FASTKD5: variants seen among roughly 807,000 people sequenced by gnomAD.
FASTKD5 encodes the protein non-canonical pre-mRNAs endonuclease FASTKD5, mitochondrial.
FASTKD5 carries 30 observed loss-of-function variants against 44.0 expected under a neutral mutation model. That is an observed-to-expected ratio of 0.68 (90% CI 0.51 to 0.93). The LOEUF (loss-of-function observed/expected upper bound fraction) is 0.93, where lower values mean the gene tolerates loss of function less well. Ranked by LOEUF, FASTKD5 falls within the 40% of genes least tolerant of loss-of-function variation. The pLI is 0.00. For missense variants in FASTKD5, 868 were observed against 908.2 expected, an observed-to-expected ratio of 0.96 and a Z score of 0.57; for synonymous variants, 335 against 342.2, an observed-to-expected ratio of 0.98 and a Z score of 0.23.
In FASTKD5 at chr20:3,146,632, G is replaced by T; in HGVS notation, c.*144C>A. On this transcript the variant is annotated 3_prime_UTR_variant, in exon 2 of 2. Coordinates refer to ENST00000380266, the MANE Select transcript of FASTKD5 (RefSeq NM_021826.5). ...TTACAATTCACAGTAACATACACTA[G>T]CTCTAACCTGCCTTGGATACAATTA... The T allele has an allele frequency of 3.3e-6, 3 of 905,800 alleles. No homozygotes were observed. The highest frequency in any genetic ancestry group is 5.1e-6 in the Non-Finnish European group (3 of 585,710). The allele number at this position is 905,800 out of a possible 1,614,324, so 56.1% of individuals were successfully genotyped here.
At chr20:3,155,193 A>G (rs1216638792) in intron 1 of FASTKD5, among the ~76,000 whole-genome samples, 1 of 152,158 alleles carries the variant, frequency 6.6e-6, no homozygotes, top group African/African-American at 2.4e-5. Context: ...CAGGAGTTCT[A>G]GACCAGCCTG....
chr20:3,147,709 C>A lies in FASTKD5; in HGVS notation c.1362G>T (p.Leu454=). Residue 454 remains leucine, a synonymous_variant, in exon 2 of 2, where the codon CTG becomes CTT. Coordinates refer to ENST00000380266, the MANE Select transcript of FASTKD5 (RefSeq NM_021826.5). ...PPNAEEFYSS[L]ISEIHRKMPE... is the part of the protein sequence containing the mutation. ...GCATCTTTCTGTGAATCTCACTTAT[C>A]AGGCTGGAGTAAAATTCTTCTGCAT... 1 of 1,614,244 alleles carries A rather than the reference C, an allele frequency of 6.2e-7. No homozygotes were observed. Among genetic ancestry groups the A allele is most frequent in the Non-Finnish European group, 8.5e-7 (1 of 1,180,046 alleles).
At chr20:3,155,421 C>T (rs749237388) in intron 1 of FASTKD5, among the ~76,000 whole-genome samples, 4 of 151,770 alleles carry the variant, frequency 2.6e-5, no homozygotes, top group African/African-American at 4.8e-5. Flanking sequence ...ATCTCAGCTA[C>T]TCAGAAGGCC....
chr20:3,155,031 C>T (rs557650991), intron 1 of FASTKD5, among the ~76,000 whole-genome samples: 47 of 124,032 alleles, frequency 3.8e-4, no homozygotes, highest in South Asian at 7.6e-4. Context: ...CCAGCCTGGG[C>T]GACAGAGCAA....
At position 3,147,503 on chromosome 20, in the gene FASTKD5, A is replaced by T. The variant is rs766843458; in HGVS notation, c.1568T>A (p.Ile523Asn). 5.0e-6 allele frequency: 8 copies of T among 1,614,112 alleles called. No homozygotes were observed. The Admixed American group carries it at 1.2e-4, about 24-fold the overall frequency. Residue 523 changes from isoleucine to asparagine, a missense_variant, in exon 2 of 2, where the codon ATT becomes AAT. By Grantham distance (149) the Ile-to-Asn change is moderately radical (BLOSUM62 -3). Coordinates refer to ENST00000380266, the MANE Select transcript of FASTKD5 (RefSeq NM_021826.5). ...ELYTLDGTVG[I>N]ECPDYRGNRL... ...ATTGCCTCTGTAATCTGGACACTCAATGCCAACTGTACCATCGAGGGTATA... is the reference window on the plus strand; with the variant it reads ...ATTGCCTCTGTAATCTGGACACTCATTGCCAACTGTACCATCGAGGGTATA...
In FASTKD5 at chr20:3,152,394, C is replaced by T. The variant is rs567436301; in HGVS notation, c.-190-3134G>A. ...TGGGGCACCTGCAATCCCAGCTACT[C>T]GGGAGGCTGAGGCGGGAGAATCACT... is the stretch of plus-strand genomic sequence containing the variant. On this transcript the variant is annotated intron_variant, in intron 1 of 1. Coordinates refer to ENST00000380266, the MANE Select transcript of FASTKD5 (RefSeq NM_021826.5). 4.0e-5 allele frequency among the ~76,000 whole-genome samples: 6 copies of T among 151,728 alleles called. No individual in the cohort carries two copies. In the East Asian group the frequency reaches 1.2e-3, roughly 30 times the overall value.
chr20:3,157,852 C>T (rs368296455), intron 1 of FASTKD5, among the ~76,000 whole-genome samples: 3 of 152,088 alleles, frequency 2.0e-5, no homozygotes, highest in Admixed American at 6.6e-5. Context: ...TGTATAGAGG[C>T]TGTATAGTAC....
At chr20:3,151,819 G>A (rs1019950260) in intron 1 of FASTKD5, 3 of 151,914 alleles carry the variant, frequency 2.0e-5, no homozygotes, top group Non-Finnish European at 4.4e-5. Flanking sequence ...AGAGACAGCA[G>A]GATGGCCAGG....
rs761247290 is a variant in FASTKD5, at chr20:3,149,031, G to C, written c.40C>G (p.Arg14Gly). 7 of 1,613,478 alleles carry C rather than the reference G, an allele frequency of 4.3e-6. No homozygotes were observed. Among genetic ancestry groups the C allele is most frequent in the Non-Finnish European group, 5.1e-6 (6 of 1,179,820 alleles). The change falls in exon 2 of 2, where the codon CGA becomes GGA. Residue 14 changes from arginine (R) to glycine (G), a missense_variant. Physicochemically the swap from Arg to Gly is moderately radical, Grantham distance 125 (BLOSUM62 -2). Coordinates refer to ENST00000380266, the MANE Select transcript of FASTKD5 (RefSeq NM_021826.5). The surrounding 1 kb of genome is among the most constrained non-coding windows in gnomAD (Gnocchi z 4.1). ...TLKSLKLVRY[R>G]AFCSPSAFGA... is the part of the protein sequence containing the mutation. ...AAGGCAGAAGGACTGCAAAATGCTC[G>C]GTATCTTACAAGTTTTAATGACTTG... is the stretch of plus-strand genomic sequence containing the variant.
chr20:3,154,627 G>A (rs1405122117), intron 1 of FASTKD5, among the ~76,000 whole-genome samples: 1 of 152,102 alleles, frequency 6.6e-6, no homozygotes, highest in Non-Finnish European at 1.5e-5. Context: ...AGGCTGCAGT[G>A]AGCTGTGATC....
At chr20:3,159,133 T>G (rs577613156) in intron 1 of FASTKD5, among the ~76,000 whole-genome samples, 1 of 152,284 alleles carries the variant, frequency 6.6e-6, no homozygotes, top group East Asian at 1.9e-4. Context: ...AAAGAGCAAC[T>G]ATTCTTACCC....
intron 1 of FASTKD5, among the ~76,000 whole-genome samples, chr20:3,154,431 T>C (rs1488882772): frequency 1.3e-5 from 2 of 152,218 alleles, no homozygotes; most frequent in Non-Finnish European, 2.9e-5. Flanking sequence ...CCTGTAATCA[T>C]AGTACTCTGG....
chr20:3,150,294 C>T (rs377380257), intron 1 of FASTKD5, among the ~76,000 whole-genome samples: 9 of 152,052 alleles, frequency 5.9e-5, no homozygotes, highest in East Asian at 5.8e-4. Context: ...TGTCACTTCA[C>T]GGGTGGGAAG....
intron 1 of FASTKD5, among the ~76,000 whole-genome samples, chr20:3,156,127 C>A (rs1414658482): frequency 6.6e-6 from 1 of 151,460 alleles, no homozygotes; most frequent in African/African-American, 2.4e-5. Context: ...CATAGGAAAG[C>A]TGGAAAGAGA....
At chr20:3,158,620 GC>G (rs945755165) in intron 1 of FASTKD5, among the ~76,000 whole-genome samples, 40 of 151,040 alleles carry the variant, frequency 2.6e-4, no homozygotes, top group South Asian at 1.3e-3. Context: ...GACTACAGGC[GC>G]CCGCCACCAC....
At position 3,156,367 on chromosome 20, in the gene FASTKD5, C is replaced by T. The variant is rs556056409; in HGVS notation, c.-191+3399G>A. On this transcript the variant is annotated intron_variant, in intron 1 of 1. Transcript: ENST00000380266. ...ATTTTTTTGTATTTTTTGGTAGAGACGGGGTTTTGCCATGTTGGTCAGGCT... is the reference window on the plus strand; with the variant it reads ...ATTTTTTTGTATTTTTTGGTAGAGATGGGGTTTTGCCATGTTGGTCAGGCT... Among the ~76,000 whole-genome samples, 42 of 152,032 alleles carry T rather than the reference C, an allele frequency of 2.8e-4. 1 individual carries two copies. In the South Asian group the frequency reaches 7.3e-3, roughly 26 times the overall value.
At chr20:3,159,180 C>G (rs1322305807) in intron 1 of FASTKD5, among the ~76,000 whole-genome samples, 3 of 152,204 alleles carry the variant, frequency 2.0e-5, no homozygotes, top group African/African-American at 7.2e-5. Flanking sequence ...CAATACTACC[C>G]TTAGGCTTGT....
rs192976207 is a variant in FASTKD5, at chr20:3,153,433, T to G, written c.-190-4173A>C. Among the ~76,000 whole-genome samples, 6 of 152,356 alleles carry G rather than the reference T, an allele frequency of 3.9e-5. No homozygotes were observed. The East Asian group carries it at 1.2e-3, about 29-fold the overall frequency. ...TTATAACATCTCTGTAATGTAAGTT[T>G]ATAATCCCCATATTACTGATGAGAA... On this transcript the variant is annotated intron_variant, in intron 1 of 1. Coordinates refer to ENST00000380266, the MANE Select transcript of FASTKD5 (RefSeq NM_021826.5).
chr20:3,158,461 C>CTTAT (rs537505430), intron 1 of FASTKD5, among the ~76,000 whole-genome samples: 60 of 151,716 alleles, frequency 4.0e-4, no homozygotes, highest in Middle Eastern at 3.4e-3. Context: ...ATTTTATTTA[C>CTTAT]TTATTTATTT....
Sources: gnomAD v4.1 joint callset for allele counts (sites outside exome capture counted in the v4.1 genomes callset) on GRCh38, gnomAD v4.1.1 for gene constraint, Gnocchi (gnomAD v3.1) non-coding constraint, MANE v1.5 for transcripts, NCBI Gene and HGNC (gene_info 2026-07-23, HGNC 2026-07-21) for gene names.